MTERF3: variants seen among roughly 807,000 people sequenced by gnomAD.
MTERF3 encodes the protein transcription termination factor 3, mitochondrial.
Under a neutral mutation model 40.5 loss-of-function variants are expected in MTERF3, and 40 were observed. The ratio of observed to expected loss-of-function variants is 0.99; its 90% CI spans 0.77 to 1.29. The LOEUF (loss-of-function observed/expected upper bound fraction) is 1.29, where lower values mean the gene tolerates loss of function less well. MTERF3 is among the 50% of genes most tolerant of loss of function. MTERF3 has a pLI of 0.00. For synonymous variants in MTERF3, 158 were observed against 166.6 expected (o/e 0.95, Z 0.40); for missense variants, 452 against 478.2 (o/e 0.95, Z 0.51).
chr8:96,250,485 C>T (rs188234992), intron 4 of MTERF3, among the ~76,000 whole-genome samples: 114 of 144,978 alleles, frequency 7.9e-4, no homozygotes, highest in Middle Eastern at 6.9e-3. Context: ...CCAAGATGGG[C>T]AGATCACTTG....
chr8:96,249,656 T>C (rs1469694118), intron 4 of MTERF3, among the ~76,000 whole-genome samples: 3 of 152,166 alleles, frequency 2.0e-5, no homozygotes, highest in Admixed American at 6.5e-5. Context: ...CTCTGAAATG[T>C]AGTAAGGATC....
intron 4 of MTERF3, among the ~76,000 whole-genome samples, chr8:96,247,664 A>T (rs1810046800): frequency 6.6e-6 from 1 of 152,138 alleles, no homozygotes; most frequent in Non-Finnish European, 1.5e-5. Context: ...ATATACCAAA[A>T]CTTATATTAC....
chr8:96,240,532 G>A (rs1007109780), intron 7 of MTERF3, among the ~76,000 whole-genome samples: 62 of 152,190 alleles, frequency 4.1e-4, no homozygotes, highest in African/African-American at 1.4e-3. Context: ...ACTAGGGAAA[G>A]TATGTCTTAC....
intron 7 of MTERF3, among the ~76,000 whole-genome samples, chr8:96,240,940 A>G (rs1005260679): frequency 5.3e-5 from 8 of 152,212 alleles, no homozygotes; most frequent in African/African-American, 1.9e-4. Context: ...GTGTACCTCA[A>G]CATGGGTTTG....
intron 3 of MTERF3, among the ~76,000 whole-genome samples, chr8:96,252,491 G>T (rs1013348221): frequency 6.6e-5 from 10 of 152,282 alleles, no homozygotes; most frequent in Middle Eastern, 3.4e-3. Context: ...GTAGAAAAAG[G>T]TCTGGAAAGC....
At chr8:96,257,224 A>G (rs960570366) in intron 2 of MTERF3, 110 bp from the exon 3 acceptor site, 1 of 1,171,456 alleles carries the variant, frequency 8.5e-7, no homozygotes, top group Non-Finnish European at 1.2e-6. Flanking sequence ...TCTTGGGATC[A>G]TTTTAGAATT....
chr8:96,250,582 C>A (rs1227801814), intron 4 of MTERF3, among the ~76,000 whole-genome samples: 3 of 130,710 alleles, frequency 2.3e-5, no homozygotes, highest in African/African-American at 8.5e-5. Context: ...ATGGTGGCCA[C>A]CTGTAGTCAC....
chr8:96,250,777 T>A, intron 4 of MTERF3, 129 bp downstream of exon 4: 1 of 731,124 alleles, frequency 1.4e-6, no homozygotes, highest in Non-Finnish European at 2.1e-6. Flanking sequence ...TCAAAGAAGG[T>A]CTATAACAAA....
intron 4 of MTERF3, among the ~76,000 whole-genome samples, chr8:96,249,653 A>G (rs1209877693): frequency 6.6e-6 from 1 of 152,212 alleles, no homozygotes; most frequent in Non-Finnish European, 1.5e-5. Context: ...GCTCTCTGAA[A>G]TGTAGTAAGG....
At chr8:96,260,214 T>G (rs993875754) in intron 1 of MTERF3, 3 of 152,140 alleles carry the variant, frequency 2.0e-5, no homozygotes, top group Admixed American at 2.0e-4. Flanking sequence ...TCTGCGATGA[T>G]TTTAGAAAAG....
chr8:96,249,022 G>A (rs1193970142), intron 4 of MTERF3, among the ~76,000 whole-genome samples: 1 of 152,178 alleles, frequency 6.6e-6, no homozygotes, highest in African/African-American at 2.4e-5. Flanking sequence ...AGCCAGCCAG[G>A]TTTAGGAATC....
chr8:96,259,606 A>G (rs1402285232), intron 1 of MTERF3, among the ~76,000 whole-genome samples: 1 of 152,252 alleles, frequency 6.6e-6, no homozygotes, highest in African/African-American at 2.4e-5. Flanking sequence ...CTTACGTTAA[A>G]TAACATTATC....
intron 4 of MTERF3, among the ~76,000 whole-genome samples, chr8:96,249,809 T>G (rs1334529748): frequency 6.6e-6 from 1 of 152,172 alleles, no homozygotes; most frequent in African/African-American, 2.4e-5. Flanking sequence ...CATGACTGAT[T>G]TGAGCTATAA....
intron 7 of MTERF3, 76 bp downstream of exon 7, chr8:96,243,843 G>A: frequency 6.7e-7 from 1 of 1,483,276 alleles, no homozygotes; most frequent in Non-Finnish European, 9.3e-7. Context: ...CCAGCGTACA[G>A]AACTATGCAG....
intron 1 of MTERF3, among the ~76,000 whole-genome samples, chr8:96,259,105 G>A (rs944990370): frequency 6.6e-6 from 1 of 152,120 alleles, no homozygotes; most frequent in South Asian, 2.1e-4. Context: ...TGGTGTGAAG[G>A]GTGTTTCCGC....
intron 2 of MTERF3, among the ~76,000 whole-genome samples, chr8:96,257,953 ATTGTT>A (rs1346647788): frequency 2.6e-5 from 4 of 152,162 alleles, no homozygotes; most frequent in Non-Finnish European, 5.9e-5. Context: ...AGTTAATATA[ATTGTT>A]TTATTTGTTG....
Position 96,249,632 on chromosome 8 carries a change from G to A in MTERF3, c.677+1274C>T, listed in dbSNP as rs1266112006. 2.0e-5 allele frequency among the ~76,000 whole-genome samples: 3 copies of A among 152,154 alleles called. No homozygotes were observed. The East Asian group carries it at 5.8e-4, about 29-fold the overall frequency. ...AAAAGACATTAGACTGATGGTTTAA[G>A]GAATCGCAAAGCTCTCTGAAATGTA... On this transcript the variant is annotated intron_variant, in intron 4 of 7. Transcript: ENST00000287025.
chr8:96,245,917 T>C lies in MTERF3; in HGVS notation c.840A>G (p.Val280=). 6.2e-6 allele frequency: 10 copies of C among 1,614,052 alleles called. No individual in the cohort carries two copies. The highest frequency in any genetic ancestry group is 8.5e-6 in the Non-Finnish European group (10 of 1,179,914). Residue 280 remains valine, a synonymous_variant, in exon 6 of 8, where the codon GTA becomes GTG. Transcript: ENST00000287025. ...CAGTTAGCAGCCTTGGGAGACGAAC[T>C]ACCAGATCTCTAGTCTGTGGTTGCA... The part of the protein sequence containing the change: ...ELSVKKTRDL[V]VRLPRLLTGS...
chr8:96,257,865 A>T (rs1349545615), intron 2 of MTERF3, among the ~76,000 whole-genome samples: 1 of 152,106 alleles, frequency 6.6e-6, no homozygotes, highest in Non-Finnish European at 1.5e-5. Flanking sequence ...TCATTTCATT[A>T]CCAGCGAAAT....
Sources: gnomAD v4.1 joint callset for allele counts (sites outside exome capture counted in the v4.1 genomes callset) on GRCh38, gnomAD v4.1.1 for gene constraint, MANE v1.5 for transcripts, NCBI Gene and HGNC (gene_info 2026-07-23, HGNC 2026-07-21) for gene names.